The following TBC1D14 variants were observed in gnomAD, a reference collection of about 807,000 sequenced individuals.
TBC1D14 encodes the protein TBC1 domain family, member 14.
Under a neutral mutation model 79.0 loss-of-function variants are expected in TBC1D14, and 26 were observed. The observed-to-expected ratio is 0.33, with a 90% confidence interval of 0.24 to 0.46. The LOEUF (loss-of-function observed/expected upper bound fraction) is 0.46, where lower values mean the gene tolerates loss of function less well. Ranked by LOEUF, TBC1D14 falls within the 20% of genes least tolerant of loss-of-function variation. TBC1D14 has a pLI of 1.00. For missense variants in TBC1D14, 769 were observed against 887.6 expected (o/e 0.87, Z 1.70); for synonymous variants, 394 against 349.9 (o/e 1.13, Z -1.40).
At chr4:6,993,495 C>T (rs1475331799) in intron 3 of TBC1D14, among the ~76,000 whole-genome samples, 1 of 152,146 alleles carries the variant, frequency 6.6e-6, no homozygotes, top group Non-Finnish European at 1.5e-5. Context: ...TAACAATTTG[C>T]AGTGGCAGCT....
At position 6,942,736 on chromosome 4, in the gene TBC1D14, CAGA is replaced by C. The variant is rs574356763; in HGVS notation, c.722+18627_722+18629del. ...CTGCCTTCCCCGCCCCCACATCCTG[CAGA>C]ACCAGGCACGAGGAAGAAGGAAGGT... is the stretch of plus-strand genomic sequence containing the variant. On this transcript the variant is annotated intron_variant, in intron 2 of 13. Coordinates refer to ENST00000409757, the MANE Select transcript of TBC1D14 (RefSeq NM_020773.3). Among the ~76,000 whole-genome samples, 240 of 152,232 alleles carry C rather than the reference CAGA, an allele frequency of 1.6e-3. 2 individuals carry two copies. The Middle Eastern group carries it at 0.02, about 13-fold the overall frequency.
chr4:6,986,572 T>C (rs2109116477), intron 3 of TBC1D14, among the ~76,000 whole-genome samples: 1 of 152,356 alleles, frequency 6.6e-6, no homozygotes, highest in African/African-American at 2.4e-5. Flanking sequence ...AGCCTTGGGC[T>C]AGGCCCCGTC....
intron 2 of TBC1D14, among the ~76,000 whole-genome samples, chr4:6,928,147 G>A (rs894807114): frequency 6.6e-6 from 1 of 152,212 alleles, no homozygotes; most frequent in African/African-American, 2.4e-5. Flanking sequence ...TAATCTGAGT[G>A]CCCTTTGCTA....
intron 2 of TBC1D14, among the ~76,000 whole-genome samples, chr4:6,936,748 T>C (rs368538308): frequency 1.3e-5 from 2 of 152,332 alleles, no homozygotes; most frequent in East Asian, 3.9e-4. Flanking sequence ...CCCCTAGCAA[T>C]GAATGAGAGT....
In TBC1D14 at chr4:7,004,902, A is replaced by G; in HGVS notation, c.1329A>G (p.Gly443=). The G allele has an allele frequency of 6.2e-7, 1 of 1,614,126 alleles. No individual in the cohort carries two copies. Among genetic ancestry groups the G allele is most frequent in the Non-Finnish European group, 8.5e-7 (1 of 1,180,004 alleles). The change falls in exon 8 of 14, where the codon GGA becomes GGG. Residue 443 remains glycine (G), a synonymous_variant. Transcript: ENST00000409757. ...AGAGGTGGCGGTCCCTTAGCACAGG[A>G]GGCTCTGAAGTGGAGAACGAAGGTA... ...AKERWRSLST[G]GSEVENEDAG...
intron 13 of TBC1D14, 40 bp from the exon 14 acceptor site, chr4:7,030,287 G>C: frequency 6.2e-7 from 1 of 1,601,216 alleles, no homozygotes; most frequent in South Asian, 1.1e-5. Context: ...ATCTGTGTGC[G>C]TGGTCACTTA....
intron 9 of TBC1D14, 65 bp downstream of exon 9, chr4:7,006,791 G>A (rs1161771528): frequency 1.4e-6 from 2 of 1,477,546 alleles, no homozygotes; most frequent in African/African-American, 2.8e-5. Flanking sequence ...GCTGAACTGT[G>A]TATATTTGTT....
At chr4:7,011,643 G>A (rs995031736) in intron 11 of TBC1D14, among the ~76,000 whole-genome samples, 10 of 151,728 alleles carry the variant, frequency 6.6e-5, no homozygotes, top group Admixed American at 5.2e-4. Context: ...TACGACCTCC[G>A]CTTCCTGGGT....
intron 2 of TBC1D14, among the ~76,000 whole-genome samples, chr4:6,957,051 G>A (rs553259291): frequency 8.1e-4 from 124 of 152,364 alleles, no homozygotes; most frequent in African/African-American, 2.6e-3. Flanking sequence ...TGGTTGCACC[G>A]TGCTGGGAGC....
At chr4:7,008,482 G>A (rs1232568963) in intron 9 of TBC1D14, among the ~76,000 whole-genome samples, 6 of 152,118 alleles carry the variant, frequency 3.9e-5, no homozygotes, top group Non-Finnish European at 8.8e-5. Flanking sequence ...GCATGATCTC[G>A]GCTCACCGCA....
chr4:6,919,158 T>A (rs1462293347), intron 1 of TBC1D14, among the ~76,000 whole-genome samples: 3 of 152,142 alleles, frequency 2.0e-5, no homozygotes, highest in Non-Finnish European at 4.4e-5. Context: ...TCACCTTTTT[T>A]TTTTTTTAGA....
At chr4:6,919,984 A>G (rs1042727321) in intron 1 of TBC1D14, among the ~76,000 whole-genome samples, 1 of 149,194 alleles carries the variant, frequency 6.7e-6, no homozygotes, top group African/African-American at 2.5e-5. Context: ...GCGCTGTCAC[A>G]GCTTACTACT....
At chr4:6,924,173 C>T in intron 2 of TBC1D14, 62 bp downstream of exon 2, 3 of 1,526,692 alleles carry the variant, frequency 2.0e-6, no homozygotes, top group South Asian at 1.3e-5. Context: ...TCTCCTTGTT[C>T]CTGTCTCAAA....
intron 12 of TBC1D14, among the ~76,000 whole-genome samples, chr4:7,019,671 G>A (rs1371322855): frequency 6.6e-6 from 1 of 152,260 alleles, no homozygotes; most frequent in East Asian, 1.9e-4. Context: ...CCTGCCAAGT[G>A]CTGGGACAGA....
chr4:6,925,005 A>G (rs1724175532), intron 2 of TBC1D14, among the ~76,000 whole-genome samples: 4 of 151,992 alleles, frequency 2.6e-5, no homozygotes, highest in Middle Eastern at 3.2e-3. Context: ...TAGAATTGAG[A>G]TCTGTGGCTG....
At chr4:6,923,127 G>A (rs1340137210) in intron 1 of TBC1D14, among the ~76,000 whole-genome samples, 1 of 152,232 alleles carries the variant, frequency 6.6e-6, no homozygotes, top group Non-Finnish European at 1.5e-5. Context: ...CTTGAACCCA[G>A]GAGGCAGAGG....
chr4:6,968,434 A>C (rs751940780), intron 3 of TBC1D14, among the ~76,000 whole-genome samples: 4 of 152,228 alleles, frequency 2.6e-5, no homozygotes, highest in African/African-American at 4.8e-5. Context: ...TAGTTCCTTT[A>C]AAACTCGCAA....
At chr4:7,027,915 C>T (rs1408934663) in intron 13 of TBC1D14, among the ~76,000 whole-genome samples, 2 of 149,088 alleles carry the variant, frequency 1.3e-5, no homozygotes, top group Non-Finnish European at 3.0e-5. Context: ...CACACATACA[C>T]AATCACCCCA....
At chr4:7,004,235 T>C (rs1473744996) in intron 7 of TBC1D14, among the ~76,000 whole-genome samples, 2 of 152,184 alleles carry the variant, frequency 1.3e-5, no homozygotes, top group South Asian at 2.1e-4. Context: ...GTTCTAAATA[T>C]GGAGATTTGG....
Sources: allele counts gnomAD v4.1 joint callset (sites outside exome capture counted in the v4.1 genomes callset), GRCh38; gene constraint gnomAD v4.1.1; transcripts MANE v1.5; gene names NCBI Gene and HGNC (gene_info 2026-07-23, HGNC 2026-07-21).